CASP8: variants seen among roughly 807,000 people sequenced by gnomAD.
CASP8 encodes caspase 8, also known as caspase-8.
A neutral mutation model predicts 46.3 loss-of-function variants in CASP8; 24 were observed. The observed-to-expected ratio is 0.52, with a 90% confidence interval of 0.38 to 0.73. The LOEUF is 0.73. Among genes scored for constraint, CASP8 ranks in the 30% least tolerant of loss-of-function variants. The pLI is 0.00. For synonymous variants in CASP8, 188 were observed against 200.4 expected (o/e 0.94, Z 0.52); for missense variants, 460 against 559.0 (o/e 0.82, Z 1.79).
At chr2:201,245,570 T>C (rs1000755005) in intron 2 of CASP8, among the ~76,000 whole-genome samples, 1 of 152,174 alleles carries the variant, frequency 6.6e-6, no homozygotes, top group Admixed American at 6.5e-5. Flanking sequence ...CGGAGTATCA[T>C]GAACAAAGCT....
In CASP8 at chr2:201,272,901, G is replaced by A. The variant is rs1465582031; in HGVS notation, c.554G>A (p.Arg185Lys). 6.2e-7 allele frequency: 1 copy of A among 1,614,134 alleles called. No individual in the cohort carries two copies. Among genetic ancestry groups the A allele is most frequent in the South Asian group, 1.1e-5 (1 of 91,086 alleles). Residue 185 changes from arginine to lysine, a missense_variant, in exon 5 of 9, where the codon AGA becomes AAA. Arg to Lys is a conservative substitution (Grantham distance 26, BLOSUM62 2). Transcript: ENST00000673742. The surrounding 1 kb of genome is among the most constrained non-coding windows in gnomAD (Gnocchi z 4.4). ...INDYEEFSKE[R>K]SSSLEGSPDE... is the part of the protein sequence containing the mutation. Reference sequence around the variant, plus strand: ...GGGGTTTCCCCTTTTAATTCAGAGAGAAGCAGCAGCCTTGAAGGAAGTCCT... The same window carrying A: ...GGGGTTTCCCCTTTTAATTCAGAGAAAAGCAGCAGCCTTGAAGGAAGTCCT...
upstream of CASP8, chr2:201,258,083 T>C (rs976634078): frequency 7.2e-6 from 6 of 837,984 alleles, no homozygotes; most frequent in South Asian, 8.5e-5. Context: ...TGCAGTTCCT[T>C]CTGTGGTGAA....
At chr2:201,258,694 G>A (rs1007867398), upstream of CASP8, among the ~76,000 whole-genome samples, 1 of 152,210 alleles carries the variant, frequency 6.6e-6, no homozygotes, top group African/African-American at 2.4e-5. Context: ...GAGTCCAGAA[G>A]ACTTTATCAA....
intron 2 of CASP8, chr2:201,269,721 C>A: frequency 1.4e-6 from 1 of 717,206 alleles, no homozygotes; most frequent in Non-Finnish European, 2.5e-6. Context: ...AATAAATATG[C>A]TAGGGTGACC....
At position 201,272,640 on chromosome 2, in the gene CASP8, C is replaced by T. The variant is rs746428268; in HGVS notation, c.414C>T (p.Asn138=). The change falls in exon 4 of 9, where the codon AAC becomes AAT. Residue 138 remains asparagine, a splice_region_variant and synonymous_variant. Transcript: ENST00000673742. The surrounding 1 kb of genome is among the most constrained non-coding windows in gnomAD (Gnocchi z 4.4). ...AACTTTATTTCTCCTCCTCTTAGAA[C>T]CTGCTGGATATTTTCATAGAGATGG... The part of the protein sequence containing the change: ...ISKCKLDDDM[N]LLDIFIEMEK... 1.9e-6 allele frequency: 3 copies of T among 1,614,016 alleles called. No individual in the cohort carries two copies. Among genetic ancestry groups the T allele is most frequent in the Admixed American group, 3.3e-5 (2 of 60,014 alleles).
At chr2:201,244,411 C>T (rs1946423526) in intron 2 of CASP8, among the ~76,000 whole-genome samples, 1 of 152,134 alleles carries the variant, frequency 6.6e-6, no homozygotes, top group Non-Finnish European at 1.5e-5. Flanking sequence ...AGGTTAGATT[C>T]CCACTTCTCC....
intron 2 of CASP8, chr2:201,269,672 TAC>T: frequency 9.3e-7 from 1 of 1,074,758 alleles, no homozygotes. Flanking sequence ...AATCCTGACT[TAC>T]TGCTTGTTCA....
intron 2 of CASP8, among the ~76,000 whole-genome samples, chr2:201,245,000 T>C (rs1946449677): frequency 6.6e-6 from 1 of 152,340 alleles, no homozygotes; most frequent in East Asian, 1.9e-4. Context: ...TATTCCCTCC[T>C]GTCAGTCACT....
chr2:201,245,812 C>G (rs1001248153), intron 2 of CASP8, among the ~76,000 whole-genome samples: 4 of 152,030 alleles, frequency 2.6e-5, no homozygotes, highest in African/African-American at 9.7e-5. Context: ...CTTTCCTGGC[C>G]CTTTGGCCAG....
intron 7 of CASP8, among the ~76,000 whole-genome samples, chr2:201,281,591 T>G (rs1216437287): frequency 6.8e-6 from 1 of 146,686 alleles, no homozygotes; most frequent in East Asian, 1.9e-4. Flanking sequence ...CTTCTAGTTC[T>G]ATCTTATTAA....
At chr2:201,264,001 G>C (rs913962768) in intron 1 of CASP8, among the ~76,000 whole-genome samples, 26 of 152,176 alleles carry the variant, frequency 1.7e-4, no homozygotes, top group African/African-American at 5.5e-4. Flanking sequence ...GTGTAATTCT[G>C]CTTTTCTTTA....
At position 201,260,552 on chromosome 2, in the gene CASP8, C is replaced by T. The variant is rs1475327009; in HGVS notation, c.-88C>T. On this transcript the variant is annotated 5_prime_UTR_variant, in exon 1 of 9. Coordinates refer to ENST00000673742, the MANE Select transcript of CASP8 (RefSeq NM_001372051.1). ...TCCTTCATTAGACGTTTGCTCTTGT[C>T]TTAGATGCTCAGATGGTAGTGGATA... is the stretch of plus-strand genomic sequence containing the variant. The T allele has an allele frequency of 1.4e-5, 14 of 985,326 alleles. No homozygotes were observed. Among genetic ancestry groups the T allele is most frequent in the Admixed American group, 6.2e-5 (1 of 16,260 alleles). 61.0% of individuals were successfully genotyped at this position (985,326 alleles called of 1,614,324 possible). A position where few individuals can be genotyped will look rare whatever the true frequency, so the allele number is the denominator to read the frequency against.
At chr2:201,255,064 G>A (rs1946954069) in intron 2 of CASP8, among the ~76,000 whole-genome samples, 1 of 152,134 alleles carries the variant, frequency 6.6e-6, no homozygotes, top group Non-Finnish European at 1.5e-5. Context: ...ACCAACCTGA[G>A]GTTTATAATT....
At chr2:201,245,610 A>G (rs1300232127) in intron 2 of CASP8, among the ~76,000 whole-genome samples, 2 of 152,144 alleles carry the variant, frequency 1.3e-5, no homozygotes, top group Non-Finnish European at 2.9e-5. Flanking sequence ...CAACCTCATC[A>G]TCTGCTGCTT....
At chr2:201,247,367 T>A (rs566234426) in intron 2 of CASP8, among the ~76,000 whole-genome samples, 106 of 152,200 alleles carry the variant, frequency 7.0e-4, no homozygotes, top group African/African-American at 2.5e-3. Context: ...GAGAGCTCAC[T>A]GGGTCCCCAT....
Position 201,235,874 on chromosome 2 carries a change from C to A in CASP8, c.-27+1762C>A, listed in dbSNP as rs528828259. On this transcript the variant is annotated intron_variant, in intron 2 of 6. Transcript: ENST00000264274. ...ATATATTTAGATATGCAAATACTTA[C>A]CATTGTGTTACAATTGCCTACAATA... 2.9e-4 allele frequency among the ~76,000 whole-genome samples: 44 copies of A among 152,300 alleles called. No individual in the cohort carries two copies. The South Asian group carries it at 4.6e-3, about 16-fold the overall frequency.
intron 2 of CASP8, among the ~76,000 whole-genome samples, chr2:201,236,994 A>G (rs1049147770): frequency 4.0e-5 from 6 of 151,298 alleles, no homozygotes; most frequent in African/African-American, 1.5e-4. Context: ...AAATCTTCGT[A>G]GTCTCTGATT....
At chr2:201,245,944 C>T (rs1296839883) in intron 2 of CASP8, among the ~76,000 whole-genome samples, 1 of 150,496 alleles carries the variant, frequency 6.6e-6, no homozygotes, top group Non-Finnish European at 1.5e-5. Flanking sequence ...CTCGGCTCAC[C>T]GCAACCTCTA....
intron 2 of CASP8, among the ~76,000 whole-genome samples, chr2:201,244,797 CT>C (rs1350381142): frequency 6.6e-6 from 1 of 152,142 alleles, no homozygotes; most frequent in African/African-American, 2.4e-5. Flanking sequence ...CTATCTGAGT[CT>C]TTAGAAAGGA....
Sources: allele counts gnomAD v4.1 joint callset (sites outside exome capture counted in the v4.1 genomes callset), GRCh38; gene constraint gnomAD v4.1.1; non-coding constraint Gnocchi (gnomAD v3.1); transcripts MANE v1.5; gene names NCBI Gene and HGNC (gene_info 2026-07-23, HGNC 2026-07-21).